TBC1D22A: variants seen among roughly 807,000 people sequenced by gnomAD.
TBC1D22A encodes TBC1 domain family member 22A.
In TBC1D22A, 38 loss-of-function variants were observed where a neutral mutation model predicts 60.2. The ratio of observed to expected loss-of-function variants is 0.63; its 90% CI spans 0.49 to 0.83. The LOEUF is 0.83. Among genes scored for constraint, TBC1D22A ranks in the 40% least tolerant of loss-of-function variants. The probability of loss-of-function intolerance (pLI) is 0.00; values close to 1 mark genes in which losing one functional copy is unlikely to be tolerated. For synonymous variants in TBC1D22A, 302 were observed against 281.7 expected, an observed-to-expected ratio of 1.07 and a Z score of -0.72; for missense variants, 628 against 701.0, an observed-to-expected ratio of 0.90 and a Z score of 1.18.
At chr22:46,796,771 T>A (rs1259577341) in intron 3 of TBC1D22A, among the ~76,000 whole-genome samples, 1 of 152,162 alleles carries the variant, frequency 6.6e-6, no homozygotes, top group Non-Finnish European at 1.5e-5. Context: ...TGTACTCTAG[T>A]GCCACTGCGG....
intron 12 of TBC1D22A, among the ~76,000 whole-genome samples, chr22:47,161,834 G>C (rs4823472): frequency 0.6 from 91,250 of 151,882 alleles, 27,598 homozygotes; most frequent in East Asian, 0.71. Context: ...GGGGCCCTTC[G>C]AGCATCCTCA....
At chr22:47,171,598 G>A (rs1047947311) in intron 12 of TBC1D22A, among the ~76,000 whole-genome samples, 1 of 152,198 alleles carries the variant, frequency 6.6e-6, no homozygotes, top group African/African-American at 2.4e-5. Flanking sequence ...GCAGGAGGCT[G>A]TCTTGGCCAC....
At chr22:47,092,968 A>C (rs2065034630) in intron 11 of TBC1D22A, among the ~76,000 whole-genome samples, 1 of 152,194 alleles carries the variant, frequency 6.6e-6, no homozygotes, top group African/African-American at 2.4e-5. Context: ...AGAAATGCTG[A>C]GTCATCAGAC....
At chr22:46,793,986 T>C in intron 3 of TBC1D22A, 145 bp downstream of exon 3, 4 of 818,366 alleles carry the variant, frequency 4.9e-6, no homozygotes, top group Non-Finnish European at 7.6e-6. Flanking sequence ...TATGGTTCTC[T>C]TCCAAGGGTA....
At chr22:46,946,679 T>G (rs1180312275) in intron 8 of TBC1D22A, among the ~76,000 whole-genome samples, 1 of 152,182 alleles carries the variant, frequency 6.6e-6, no homozygotes, top group Admixed American at 6.5e-5. Context: ...GCAGTTTTCA[T>G]TTTGAGGTGA....
At chr22:47,122,980 A>T (rs1409203849) in intron 12 of TBC1D22A, among the ~76,000 whole-genome samples, 1 of 152,210 alleles carries the variant, frequency 6.6e-6, no homozygotes, top group Non-Finnish European at 1.5e-5. Context: ...TTAGAATTAT[A>T]CCTGGAAGGA....
intron 11 of TBC1D22A, among the ~76,000 whole-genome samples, chr22:47,064,740 CTAA>C: frequency 6.6e-6 from 1 of 152,332 alleles, no homozygotes; most frequent in Admixed American, 6.5e-5. Context: ...GATTGTCCCT[CTAA>C]GTGTCTCCTG....
rs570774772 is a variant in TBC1D22A, at chr22:46,818,834, C to G, written c.637+21214C>G. Among the ~76,000 whole-genome samples the G allele has an allele frequency of 6.6e-5, 10 of 152,296 alleles. No individual in the cohort carries two copies. In the East Asian group the frequency reaches 1.7e-3, roughly 26 times the overall value. On this transcript the variant is annotated intron_variant, in intron 4 of 12. Coordinates refer to ENST00000337137, the MANE Select transcript of TBC1D22A (RefSeq NM_014346.5). ...TGTAAAGTACTTTGGGCAGTATGGC[C>G]ATTTTTACGATGTTGATTCTTCCCA... is the stretch of plus-strand genomic sequence containing the variant.
At chr22:46,803,503 C>G (rs2084991169) in intron 4 of TBC1D22A, among the ~76,000 whole-genome samples, 1 of 152,288 alleles carries the variant, frequency 6.6e-6, no homozygotes, top group East Asian at 1.9e-4. Context: ...TTGGTTCTTG[C>G]GACCCGGCCG....
chr22:46,848,585 G>A (rs1307012858), intron 4 of TBC1D22A, among the ~76,000 whole-genome samples: 1 of 152,222 alleles, frequency 6.6e-6, no homozygotes, highest in African/African-American at 2.4e-5. Flanking sequence ...AGGAATCCAG[G>A]TAGGCTCTCT....
At chr22:46,798,529 G>C (rs1661157945) in intron 4 of TBC1D22A, among the ~76,000 whole-genome samples, 1 of 152,242 alleles carries the variant, frequency 6.6e-6, no homozygotes, top group Admixed American at 6.5e-5. Context: ...CAGGCTCTGT[G>C]GAACGCACTT....
chr22:47,060,141 A>G (rs137984273), intron 11 of TBC1D22A, among the ~76,000 whole-genome samples: 1,611 of 152,096 alleles, frequency 0.011, 25 homozygotes, highest in African/African-American at 0.036. Flanking sequence ...TCCGTTTATC[A>G]TTAAAACCAG....
rs952292544 is a variant in TBC1D22A, at chr22:46,936,969, G to T, written c.1015+24781G>T. Among the ~76,000 whole-genome samples the T allele has an allele frequency of 1.3e-5, 2 of 152,086 alleles. 1 individual carries two copies. The highest frequency in any genetic ancestry group is 1.3e-4 in the Admixed American group (2 of 15,270). The stretch of plus-strand genomic sequence containing the variant: ...GCTGTTCTTGAGATTAATGTTTTCA[G>T]CTGACAGTCATCATGCTTGGCTTTT... On this transcript the variant is annotated intron_variant, in intron 8 of 12. Transcript: ENST00000337137.
Position 47,126,293 on chromosome 22 carries a change from T to C in TBC1D22A, c.1425+14690T>C, listed in dbSNP as rs140151112. 7.0e-3 allele frequency among the ~76,000 whole-genome samples: 1,060 copies of C among 152,278 alleles called. 10 individuals carry two copies. The highest frequency in any genetic ancestry group is 0.024 in the African/African-American group (1,011 of 41,546). On this transcript the variant is annotated intron_variant, in intron 12 of 12. Coordinates refer to ENST00000337137, the MANE Select transcript of TBC1D22A (RefSeq NM_014346.5). ...CACCGTGCCCGGCCAGATGAAGATGTTTTTTAAGAAAGAGGGAGCCTTTTC... is the reference window on the plus strand; with the variant it reads ...CACCGTGCCCGGCCAGATGAAGATGCTTTTTAAGAAAGAGGGAGCCTTTTC...
intron 8 of TBC1D22A, among the ~76,000 whole-genome samples, chr22:46,928,468 C>G (rs1307029657): frequency 6.6e-6 from 1 of 152,212 alleles, no homozygotes; most frequent in Admixed American, 6.5e-5. Flanking sequence ...TCATAAAACT[C>G]TTAAAGGAAA....
chr22:47,146,737 C>G (rs1022828814), intron 12 of TBC1D22A, among the ~76,000 whole-genome samples: 5 of 152,182 alleles, frequency 3.3e-5, no homozygotes, highest in Admixed American at 3.3e-4. Flanking sequence ...AAGGCTTTGC[C>G]TGCCGGGACA....
intron 1 of TBC1D22A, among the ~76,000 whole-genome samples, chr22:46,790,147 G>A (rs376789123): frequency 3.3e-5 from 5 of 152,210 alleles, no homozygotes; most frequent in African/African-American, 1.2e-4. Context: ...AGGTGTTGGC[G>A]GGGCTGGTTC....
At chr22:47,075,440 T>C (rs1054135323) in intron 11 of TBC1D22A, among the ~76,000 whole-genome samples, 4 of 152,056 alleles carry the variant, frequency 2.6e-5, no homozygotes, top group African/African-American at 9.7e-5. Context: ...CCCAGCATCT[T>C]GGGAGGCTGA....
At chr22:46,857,093 T>C (rs763177961) in intron 4 of TBC1D22A, among the ~76,000 whole-genome samples, 1 of 152,282 alleles carries the variant, frequency 6.6e-6, no homozygotes, top group African/African-American at 2.4e-5. Context: ...GTGGTCATCA[T>C]TGGGTCACAG....
Sources: gnomAD v4.1 joint callset for allele counts (sites outside exome capture counted in the v4.1 genomes callset) on GRCh38, gnomAD v4.1.1 for gene constraint, MANE v1.5 for transcripts, NCBI Gene and HGNC (gene_info 2026-07-23, HGNC 2026-07-21) for gene names.